SNX3: variants seen among roughly 807,000 people sequenced by gnomAD.
SNX3 encodes sorting nexin-3.
SNX3 carries 5 observed loss-of-function variants against 17.7 expected under a neutral mutation model. The ratio of observed to expected loss-of-function variants is 0.28; its 90% CI spans 0.15 to 0.59. The LOEUF is 0.59. Among genes scored for constraint, SNX3 ranks in the 20% least tolerant of loss-of-function variants. The pLI is 0.88. For missense variants in SNX3, 132 were observed against 206.8 expected (o/e 0.64, Z 2.22); for synonymous variants, 91 against 76.5 (o/e 1.19, Z -0.99).
chr6:108,260,484 A>T (rs1297702810), intron 1 of SNX3, among the ~76,000 whole-genome samples: 1 of 152,202 alleles, frequency 6.6e-6, no homozygotes, highest in Non-Finnish European at 1.5e-5. Flanking sequence ...CTCAAATGTC[A>T]TTCCCTGATC....
intron 1 of SNX3, among the ~76,000 whole-genome samples, chr6:108,229,416 C>T (rs937808573): frequency 1.3e-5 from 2 of 151,742 alleles, no homozygotes; most frequent in Non-Finnish European, 2.9e-5. Context: ...CTCTCTGCTT[C>T]CCCTCCCTCT....
In SNX3 at chr6:108,260,826, A is replaced by G. The variant is rs200000582; in HGVS notation, c.96T>C (p.Asp32=). ...YGPPSNFLEI[D]VSNPQTVGVG... is the part of the protein sequence containing the mutation. Reference sequence around the variant, plus strand: ...CCCCCACCGTTTGCGGGTTGCTCACATCGATCTCGAGGAAGTTGCTGGGGG... The same window carrying G: ...CCCCCACCGTTTGCGGGTTGCTCACGTCGATCTCGAGGAAGTTGCTGGGGG... The change falls in exon 1 of 4, where the codon GAT becomes GAC. Residue 32 remains aspartate (D), a synonymous_variant. Transcript: ENST00000230085. The G allele has an allele frequency of 1.0e-4, 166 of 1,613,744 alleles. No homozygotes were observed. The East Asian group carries it at 3.6e-3, about 35-fold the overall frequency.
intron 2 of SNX3, among the ~76,000 whole-genome samples, chr6:108,218,080 T>C (rs1158561206): frequency 3.9e-5 from 6 of 152,140 alleles, no homozygotes; most frequent in Non-Finnish European, 7.3e-5. Flanking sequence ...GTATTGTGCT[T>C]CAAAGGACAA....
Position 108,214,490 on chromosome 6 carries a change from G to T in SNX3, c.383+8C>A. 1 of 1,612,424 alleles carries T rather than the reference G, an allele frequency of 6.2e-7. No individual in the cohort carries two copies. Among genetic ancestry groups the T allele is most frequent in the Admixed American group, 1.7e-5 (1 of 59,582 alleles). The stretch of plus-strand genomic sequence containing the variant: ...AGTCCTACACTTTGAGGAATAGGAA[G>T]CACTTACTTGTTTATAAACTGCTCC... On this transcript the variant is annotated splice_region_variant and intron_variant, in intron 3 of 3. Coordinates refer to ENST00000230085, the MANE Select transcript of SNX3 (RefSeq NM_003795.6).
intron 2 of SNX3, among the ~76,000 whole-genome samples, chr6:108,216,102 G>T (rs1774566050): frequency 6.6e-6 from 1 of 151,928 alleles, no homozygotes; most frequent in Non-Finnish European, 1.5e-5. Flanking sequence ...CTTGAGATGG[G>T]GTCTTGCTCT....
At chr6:108,237,480 A>G (rs971558713) in intron 1 of SNX3, among the ~76,000 whole-genome samples, 1 of 152,158 alleles carries the variant, frequency 6.6e-6, no homozygotes, top group Non-Finnish European at 1.5e-5. Context: ...GTACAACATA[A>G]AAGGCATTAA....
In SNX3 at chr6:108,231,973, C is replaced by CT. The variant is rs1163733263; in HGVS notation, c.163-8929dup. Among the ~76,000 whole-genome samples, 5 of 152,142 alleles carry CT rather than the reference C, an allele frequency of 3.3e-5. 1 individual carries two copies. The South Asian group carries it at 8.3e-4, about 25-fold the overall frequency. Reference sequence around the variant, plus strand: ...TTTATAGTCTACTTGGATATTTGTACTCTTCTGGAGAAATTCGGGGTAATG... The same window carrying CT: ...TTTATAGTCTACTTGGATATTTGTACTTCTTCTGGAGAAATTCGGGGTAATG... On this transcript the variant is annotated intron_variant, in intron 1 of 3. Coordinates refer to ENST00000230085, the MANE Select transcript of SNX3 (RefSeq NM_003795.6).
intron 1 of SNX3, among the ~76,000 whole-genome samples, chr6:108,236,439 AG>A (rs1775338273): frequency 7.0e-6 from 1 of 143,190 alleles, no homozygotes; most frequent in Non-Finnish European, 1.5e-5. Flanking sequence ...GCTGGAGTGC[AG>A]TGGCGGGATC....
At chr6:108,223,083 T>C (rs1355407067) in intron 1 of SNX3, 38 bp from the exon 2 acceptor site, 7 of 1,145,330 alleles carry the variant, frequency 6.1e-6, no homozygotes, top group Admixed American at 2.1e-5. Flanking sequence ...TGAAGCACAT[T>C]AAGGAAACTT....
rs572275481 is a variant in SNX3, at chr6:108,232,502, G to A, written c.163-9457C>T. Among the ~76,000 whole-genome samples the A allele has an allele frequency of 4.6e-5, 7 of 152,214 alleles. No individual in the cohort carries two copies. The Middle Eastern group carries it at 0.017, about 370-fold the overall frequency. ...TCAGCAGCTCACAGATACCCTATATGTTACCTGATTATCACTGATAGCCAA... is the reference window on the plus strand; with the variant it reads ...TCAGCAGCTCACAGATACCCTATATATTACCTGATTATCACTGATAGCCAA... On this transcript the variant is annotated intron_variant, in intron 1 of 3. Transcript: ENST00000230085.
At chr6:108,240,807 G>A (rs1775492665) in intron 1 of SNX3, among the ~76,000 whole-genome samples, 1 of 152,138 alleles carries the variant, frequency 6.6e-6, no homozygotes, top group Non-Finnish European at 1.5e-5. Context: ...ACATAGCCAT[G>A]GTGGGGCCTT....
intron 1 of SNX3, among the ~76,000 whole-genome samples, chr6:108,245,288 A>G (rs1205276720): frequency 6.6e-6 from 1 of 151,998 alleles, no homozygotes; most frequent in East Asian, 1.9e-4. Context: ...AAGGACATGA[A>G]CTCGTTCTTT....
rs1223874877 is a variant in SNX3 at position 108,211,542 on chromosome 6, T to G, written c.*607A>C. Reference sequence around the variant, plus strand: ...TATCAGAAATGCATTTTAATTTTTATTTGAAAACAACTTAAATTTTTAGAC... The same window carrying G: ...TATCAGAAATGCATTTTAATTTTTAGTTGAAAACAACTTAAATTTTTAGAC... On this transcript the variant is annotated 3_prime_UTR_variant, in exon 4 of 4. Coordinates refer to ENST00000230085, the MANE Select transcript of SNX3 (RefSeq NM_003795.6). The G allele has an allele frequency of 6.5e-6, 1 of 152,682 alleles. No homozygotes were observed. The highest frequency in any genetic ancestry group is 2.4e-5 in the African/African-American group (1 of 41,460). The allele number at this position is 152,682 out of a possible 1,614,324, so 9.5% of individuals were successfully genotyped here.
At chr6:108,241,547 A>G (rs1279918538) in intron 1 of SNX3, among the ~76,000 whole-genome samples, 1 of 152,094 alleles carries the variant, frequency 6.6e-6, no homozygotes, top group African/African-American at 2.4e-5. Flanking sequence ...ATAACCTTTG[A>G]CCAGTCATTT....
At chr6:108,254,375 G>A (rs540984586) in intron 1 of SNX3, among the ~76,000 whole-genome samples, 2 of 152,192 alleles carry the variant, frequency 1.3e-5, no homozygotes, top group South Asian at 4.1e-4. Context: ...AAGGTTGGGA[G>A]GGTTGCCTGA....
In SNX3 at chr6:108,246,774, C is replaced by G. The variant is rs745703272; in HGVS notation, c.162+13986G>C. On this transcript the variant is annotated intron_variant, in intron 1 of 3. Transcript: ENST00000230085. Reference sequence around the variant, plus strand: ...CCAGGCTGGAGTGCAGGGGCAAGATCATAACTCAGTGCAGATTCTAATTCC... The same window carrying G: ...CCAGGCTGGAGTGCAGGGGCAAGATGATAACTCAGTGCAGATTCTAATTCC... Among the ~76,000 whole-genome samples, 3 of 152,056 alleles carry G rather than the reference C, an allele frequency of 2.0e-5. No homozygotes were observed. In the South Asian group the frequency reaches 6.2e-4, roughly 32 times the overall value.
intron 2 of SNX3, 63 bp downstream of exon 2, chr6:108,222,887 G>A (rs1429957666): frequency 2.1e-6 from 2 of 952,672 alleles, no homozygotes; most frequent in East Asian, 4.8e-5. Flanking sequence ...ATTTTCCTGA[G>A]AAATATTAAA....
At chr6:108,232,590 A>C (rs982462695) in intron 1 of SNX3, among the ~76,000 whole-genome samples, 1 of 152,200 alleles carries the variant, frequency 6.6e-6, no homozygotes, top group African/African-American at 2.4e-5. Context: ...TATTAGAAAA[A>C]TGTTTACTAG....
chr6:108,222,416 G>GTGTT, intron 2 of SNX3: 1 of 1,208,902 alleles, frequency 8.3e-7, no homozygotes, highest in Non-Finnish European at 1.1e-6. Context: ...GCATGTAACA[G>GTGTT]TGTTTTTAAA....
Sources: allele counts gnomAD v4.1 joint callset (sites outside exome capture counted in the v4.1 genomes callset), GRCh38; gene constraint gnomAD v4.1.1; transcripts MANE v1.5; gene names NCBI Gene and HGNC (gene_info 2026-07-23, HGNC 2026-07-21).